Variants in STRBP observed in about 807,000 individuals in gnomAD.
STRBP encodes the protein spermatid perinuclear RNA-binding protein.
Under a neutral mutation model 80.1 loss-of-function variants are expected in STRBP, and 13 were observed. The observed-to-expected ratio is 0.16, with a 90% confidence interval of 0.11 to 0.26. The LOEUF is 0.26. STRBP is among the 10% of genes least tolerant of loss of function. STRBP has a pLI of 1.00. For missense variants in STRBP, 485 were observed against 815.2 expected (o/e 0.59, Z 4.93); for synonymous variants, 284 against 291.2 (o/e 0.98, Z 0.25).
intron 1 of STRBP, among the ~76,000 whole-genome samples, chr9:123,265,988 A>G (rs1308973390): frequency 6.6e-6 from 1 of 152,172 alleles, no homozygotes; most frequent in East Asian, 1.9e-4. Flanking sequence ...ACATCACCCC[A>G]TGCTGCCTGA....
chr9:123,252,028 A>AT (rs71390423), intron 1 of STRBP, among the ~76,000 whole-genome samples: 2,428 of 144,570 alleles, frequency 0.017, 12 homozygotes, highest in Non-Finnish European at 0.019. Flanking sequence ...AGCACCATCT[A>AT]TTTTTTTTTT....
intron 1 of STRBP, among the ~76,000 whole-genome samples, chr9:123,248,325 T>C (rs914773071): frequency 1.5e-5 from 2 of 133,148 alleles, no homozygotes; most frequent in Non-Finnish European, 3.1e-5. Flanking sequence ...TAGAGCGCAA[T>C]GGCACGATCT....
chr9:123,176,540 C>G (rs1048245907), intron 4 of STRBP, among the ~76,000 whole-genome samples: 1 of 152,026 alleles, frequency 6.6e-6, no homozygotes, highest in Non-Finnish European at 1.5e-5. Flanking sequence ...ACAAGTAAAA[C>G]AGGAGTGGAG....
At chr9:123,243,408 C>A (rs2040739303) in intron 1 of STRBP, among the ~76,000 whole-genome samples, 1 of 151,954 alleles carries the variant, frequency 6.6e-6, no homozygotes, top group South Asian at 2.1e-4. Flanking sequence ...CTTTGGGGCA[C>A]AGGGCTAGTT....
At chr9:123,233,122 G>C (rs2040444312) in intron 2 of STRBP, among the ~76,000 whole-genome samples, 1 of 152,032 alleles carries the variant, frequency 6.6e-6, no homozygotes, top group Non-Finnish European at 1.5e-5. Context: ...ATCTATGCTG[G>C]GAGTGCAGTG....
In STRBP at chr9:123,115,716, C is replaced by T. The variant is rs1371251416; in HGVS notation, c.*84+213G>A. On this transcript the variant is annotated intron_variant and NMD_transcript_variant, in intron 3 of 3. Transcript: ENST00000471564. The surrounding 1 kb of genome is among the most constrained non-coding windows in gnomAD (Gnocchi z 5.0). ...TCAGAGTTCGTCCAAACTGACATTC[C>T]ACAGCATTTCCTCTTTGCCGTCCAC... is the stretch of plus-strand genomic sequence containing the variant. 1 of 335,052 alleles carries T rather than the reference C, an allele frequency of 3.0e-6. No homozygotes were observed. The highest frequency in any genetic ancestry group is 7.7e-5 in the East Asian group (1 of 12,918). The allele number at this position is 335,052 out of a possible 1,614,324, so 20.8% of individuals were successfully genotyped here.
At chr9:123,156,580 A>G (rs564213251) in intron 11 of STRBP, among the ~76,000 whole-genome samples, 14 of 152,202 alleles carry the variant, frequency 9.2e-5, no homozygotes, top group Admixed American at 2.0e-4. Flanking sequence ...GATATAGAAA[A>G]TAAAACATTC....
intron 6 of STRBP, among the ~76,000 whole-genome samples, chr9:123,165,300 GT>G: frequency 7.0e-6 from 1 of 143,036 alleles, no homozygotes; most frequent in South Asian, 2.2e-4. Context: ...AAAAAAAAAA[GT>G]TTGCCCTGGA....
chr9:123,139,908 G>T (rs1196720095), intron 13 of STRBP, among the ~76,000 whole-genome samples: 2 of 152,174 alleles, frequency 1.3e-5, no homozygotes, highest in Non-Finnish European at 2.9e-5. Context: ...GGATAATTGA[G>T]TTTAAATACA....
chr9:123,262,643 T>C (rs984278071), intron 1 of STRBP, among the ~76,000 whole-genome samples: 1 of 152,198 alleles, frequency 6.6e-6, no homozygotes, highest in African/African-American at 2.4e-5. Context: ...AAGCAGATGT[T>C]TTACACAGCG....
intron 1 of STRBP, among the ~76,000 whole-genome samples, chr9:123,253,842 C>T (rs1420741547): frequency 6.6e-6 from 1 of 152,154 alleles, no homozygotes; most frequent in Non-Finnish European, 1.5e-5. Flanking sequence ...TTGCCCTAGT[C>T]GACCTTACTT....
chr9:123,170,356 A>G (rs1045632363), intron 5 of STRBP, among the ~76,000 whole-genome samples: 31 of 152,228 alleles, frequency 2.0e-4, no homozygotes, highest in African/African-American at 7.2e-4. Flanking sequence ...TATGTGATAA[A>G]TGGTAAATTG....
intron 2 of STRBP, among the ~76,000 whole-genome samples, chr9:123,205,982 A>C (rs527491135): frequency 1.3e-5 from 2 of 152,324 alleles, no homozygotes; most frequent in South Asian, 2.1e-4. Flanking sequence ...CAAAAGAAGA[A>C]TCTAAGACAG....
intron 2 of STRBP, among the ~76,000 whole-genome samples, chr9:123,233,260 T>TG (rs200904692): frequency 2.8e-3 from 433 of 152,028 alleles, no homozygotes; most frequent in African/African-American, 8.7e-3. Context: ...TTTTTAGAGA[T>TG]GGGGGGGTCT....
Position 123,184,215 on chromosome 9 carries a change from A to T in STRBP, c.-81T>A. On this transcript the variant is annotated 5_prime_UTR_variant, in exon 3 of 19. The change creates a premature stop within an existing upstream ORF in the 5' untranslated region. Coordinates refer to ENST00000348403, the MANE Select transcript of STRBP (RefSeq NM_018387.5). ...TCTTCACTAGACACTGTTTTGTGTA[A>T]CAATACCTCCTCATAAGCCTGAGTC... is the stretch of plus-strand genomic sequence containing the variant. 1.4e-6 allele frequency: 2 copies of T among 1,429,982 alleles called. No homozygotes were observed. 88.6% of individuals were successfully genotyped at this position (1,429,982 alleles called of 1,614,324 possible).
intron 6 of STRBP, among the ~76,000 whole-genome samples, chr9:123,162,220 TGG>T (rs2132401818): frequency 8.6e-6 from 1 of 116,840 alleles, no homozygotes; most frequent in East Asian, 2.0e-4. Flanking sequence ...GTTTATTCTG[TGG>T]TTTTTTTCTT....
rs2035859801 is a variant in STRBP at position 123,125,543 on chromosome 9, A to T, written c.*54T>A. On this transcript the variant is annotated 3_prime_UTR_variant, in exon 19 of 19. Transcript: ENST00000348403. ...GCAGGATAAAAAGGCTTTTTCTCTA[A>T]CATTCTGTGTTGTACTGTATTGTTG... is the stretch of plus-strand genomic sequence containing the variant. 1 of 1,467,694 alleles carries T rather than the reference A, an allele frequency of 6.8e-7. No individual in the cohort carries two copies. The highest frequency in any genetic ancestry group is 9.0e-7 in the Non-Finnish European group (1 of 1,105,082). 90.9% of individuals were successfully genotyped at this position (1,467,694 alleles called of 1,614,324 possible). A position where few individuals can be genotyped will look rare whatever the true frequency, so the allele number is the denominator to read the frequency against.
At position 123,121,642 on chromosome 9, in the gene STRBP, G is replaced by C. The variant is rs540383544; in HGVS notation, c.*3955C>G. The C allele has an allele frequency of 9.2e-5, 12 of 130,700 alleles. No homozygotes were observed. The East Asian group carries it at 2.6e-3, about 29-fold the overall frequency. 8.1% of individuals were successfully genotyped at this position (130,700 alleles called of 1,614,324 possible). ...TTTTTTTTTTTTTTCATTTTCTATT[G>C]CTTTTTTCTATGGCTTCTTGCTGTT... On this transcript the variant is annotated 3_prime_UTR_variant, in exon 19 of 19. Transcript: ENST00000348403.
chr9:123,194,869 T>C (rs2039041391), intron 2 of STRBP, among the ~76,000 whole-genome samples: 1 of 152,136 alleles, frequency 6.6e-6, no homozygotes, highest in African/African-American at 2.4e-5. Context: ...CTTGTATCCT[T>C]TTCTTCTTTA....
Sources: allele counts gnomAD v4.1 joint callset (sites outside exome capture counted in the v4.1 genomes callset), GRCh38; gene constraint gnomAD v4.1.1; non-coding constraint Gnocchi (gnomAD v3.1); transcripts MANE v1.5; gene names NCBI Gene and HGNC (gene_info 2026-07-23, HGNC 2026-07-21).